Variants in TGM1 observed in about 807,000 individuals in gnomAD.
TGM1 encodes transglutaminase 1.
A neutral mutation model predicts 88.7 loss-of-function variants in TGM1; 63 were observed. The observed-to-expected ratio is 0.71, with a 90% CI of 0.58 to 0.88. The LOEUF (loss-of-function observed/expected upper bound fraction) is 0.88, where lower values mean the gene tolerates loss of function less well. Ranked by LOEUF, TGM1 falls within the 40% of genes least tolerant of loss-of-function variation. The probability of loss-of-function intolerance (pLI) is 0.00; values close to 1 mark genes in which losing one functional copy is unlikely to be tolerated. For missense variants in TGM1, 996 were observed against 1,118.0 expected (o/e 0.89, Z 1.56); for synonymous variants, 415 against 431.1 (o/e 0.96, Z 0.46).
rs2040815051 is a variant in TGM1 at position 24,261,976 on chromosome 14, G to A, written c.319+58C>T. 2.5e-6 allele frequency: 4 copies of A among 1,610,436 alleles called. No individual in the cohort carries two copies. In the South Asian group the frequency reaches 3.3e-5, roughly 13 times the overall value. On this transcript the variant is annotated intron_variant, in intron 2 of 14. Coordinates refer to ENST00000206765, the MANE Select transcript of TGM1 (RefSeq NM_000359.3). ...ATCCCCCCCAGAAATGCCAGGCTGA[G>A]TCTCTGGTCCCATTAAAGCCTTTTA...
Position 24,254,736 on chromosome 14 carries a change from G to A in TGM1, c.2016C>T (p.His672=), listed in dbSNP as rs756983498. 8.7e-6 allele frequency: 14 copies of A among 1,614,030 alleles called. No homozygotes were observed. The highest frequency in any genetic ancestry group is 5.5e-5 in the South Asian group (5 of 91,086). The change falls in exon 13 of 15, where the codon CAC becomes CAT. Residue 672 remains histidine, a synonymous_variant. Transcript: ENST00000206765. Reference sequence around the variant, plus strand: ...CCAGCACCTGCCCGCTCTCCTTGACGTGGCCTGAGACATTGAGCAGCATGG... The same window carrying A: ...CCAGCACCTGCCCGCTCTCCTTGACATGGCCTGAGACATTGAGCAGCATGG... The part of the protein sequence containing the change: ...QGAMLLNVSG[H]VKESGQVLAK...
intron 9 of TGM1, among the ~76,000 whole-genome samples, chr14:24,257,936 T>A (rs2040769415): frequency 6.6e-6 from 1 of 152,224 alleles, no homozygotes; most frequent in African/African-American, 2.4e-5. Context: ...GGTCCTTCAG[T>A]TAATTATCTC....
In TGM1 at chr14:24,257,685, C is replaced by T. The variant is rs41293806; in HGVS notation, c.1402+600G>A. Among the ~76,000 whole-genome samples, 953 of 152,284 alleles carry T rather than the reference C, an allele frequency of 6.3e-3. 20 individuals carry two copies. Among genetic ancestry groups the T allele is most frequent in the African/African-American group, 0.021 (876 of 41,554 alleles). ...ACCCTTTGGAGTGGGTCAAAAAATC[C>T]GGCTGATCGTCAGAATCACCAGAAG... is the stretch of plus-strand genomic sequence containing the variant. On this transcript the variant is annotated intron_variant, in intron 9 of 14. Transcript: ENST00000206765.
intron 9 of TGM1, among the ~76,000 whole-genome samples, chr14:24,256,664 T>C (rs958487682): frequency 6.6e-6 from 1 of 152,106 alleles, no homozygotes; most frequent in Non-Finnish European, 1.5e-5. Context: ...CTAGAAGAGA[T>C]AGGCTGACAG....
rs1014852228 is a variant in TGM1 at position 24,259,644 on chromosome 14, G to C, written c.984+60C>G. The C allele has an allele frequency of 7.2e-7, 1 of 1,382,986 alleles. No individual in the cohort carries two copies. The highest frequency in any genetic ancestry group is 1.0e-6 in the Non-Finnish European group (1 of 989,438). 85.7% of individuals were successfully genotyped at this position (1,382,986 alleles called of 1,614,324 possible). On this transcript the variant is annotated intron_variant, in intron 6 of 14. Transcript: ENST00000206765. This position sits in a 1 kb window ranked among gnomAD's most constrained non-coding sequence, Gnocchi z 5.7. Reference sequence around the variant, plus strand: ...ATCCAGAAAGGGCAGGAGGAGGGTGGGGGTGTGGCGAGGCAGCAGGCACAC... The same window carrying C: ...ATCCAGAAAGGGCAGGAGGAGGGTGCGGGTGTGGCGAGGCAGCAGGCACAC...
Position 24,255,287 on chromosome 14 carries a change from T to G in TGM1, c.1646-34A>C. ...TGAGGGTCAAGGGTGAGGTTCCAAT[T>G]CCCACGTGGGTGGCCAAGCACTTGG... is the stretch of plus-strand genomic sequence containing the variant. On this transcript the variant is annotated intron_variant, in intron 11 of 14. Transcript: ENST00000206765. The surrounding 1 kb of genome is among the most constrained non-coding windows in gnomAD (Gnocchi z 4.0). 1 of 1,614,082 alleles carries G rather than the reference T, an allele frequency of 6.2e-7. No homozygotes were observed. The highest frequency in any genetic ancestry group is 8.5e-7 in the Non-Finnish European group (1 of 1,180,014).
rs1410018660 is a variant in TGM1 at position 24,262,092 on chromosome 14, G to A, written c.261C>T (p.Ser87=). ...TRRPGSRGSD[S]RRPVSRGSGV... Reference sequence around the variant, plus strand: ...CGCTGCCCCGGGATACAGGCCGGCGGGAGTCTGAGCCCCGGGAGCCAGGTC... The same window carrying A: ...CGCTGCCCCGGGATACAGGCCGGCGAGAGTCTGAGCCCCGGGAGCCAGGTC... Residue 87 remains serine, a synonymous_variant, in exon 2 of 15, where the codon TCC becomes TCT. Transcript: ENST00000206765. 6.2e-7 allele frequency: 1 copy of A among 1,613,598 alleles called. No individual in the cohort carries two copies.
intron 9 of TGM1, among the ~76,000 whole-genome samples, chr14:24,256,489 A>G (rs2040752760): frequency 6.6e-6 from 1 of 152,188 alleles, no homozygotes; most frequent in South Asian, 2.1e-4. Context: ...TAACCAACCC[A>G]GAGTCCACAG....
At chr14:24,251,656 G>C (rs2040702090) in intron 14 of TGM1, among the ~76,000 whole-genome samples, 1 of 152,136 alleles carries the variant, frequency 6.6e-6, no homozygotes, top group Admixed American at 6.5e-5. Context: ...TTGTTCAATC[G>C]TATTGCCTGG....
At position 24,259,639 on chromosome 14, in the gene TGM1, G is replaced by C. The variant is rs994453944; in HGVS notation, c.984+65C>G. ...GAGGAATCCAGAAAGGGCAGGAGGA[G>C]GGTGGGGGTGTGGCGAGGCAGCAGG... On this transcript the variant is annotated intron_variant, in intron 6 of 14. Coordinates refer to ENST00000206765, the MANE Select transcript of TGM1 (RefSeq NM_000359.3). This position sits in a 1 kb window ranked among gnomAD's most constrained non-coding sequence, Gnocchi z 5.7. 20 of 1,346,456 alleles carry C rather than the reference G, an allele frequency of 1.5e-5. No homozygotes were observed. The highest frequency in any genetic ancestry group is 2.0e-5 in the Non-Finnish European group (19 of 957,634). 83.4% of individuals were successfully genotyped at this position (1,346,456 alleles called of 1,614,324 possible).
Position 24,259,319 on chromosome 14 carries a change from GA to G in TGM1, c.985-71del. On this transcript the variant is annotated intron_variant, in intron 6 of 14. Transcript: ENST00000206765. The surrounding 1 kb of genome is among the most constrained non-coding windows in gnomAD (Gnocchi z 5.7). ...CAGGACCTGCCATGTGGTCCATGGG[GA>G]CCAGCCGGGCCCCGATCCTGCAACC... 6.7e-7 allele frequency: 1 copy of G among 1,483,166 alleles called. No homozygotes were observed. Among genetic ancestry groups the G allele is most frequent in the South Asian group, 1.2e-5 (1 of 83,476 alleles). The allele number at this position is 1,483,166 out of a possible 1,614,324, so 91.9% of individuals were successfully genotyped here.
rs780616986 is a variant in TGM1, at chr14:24,261,880, C to T, written c.323G>A (p.Gly108Asp). The change falls in exon 3 of 15, where the codon GGC becomes GAC. Residue 108 changes from glycine to aspartate, a missense_variant. Transcript: ENST00000206765. ...GTCCACACCGTTCACTACTAGCATGCCCTCTGCAAGGACACAGCTCCGTGT... is the reference window on the plus strand; with the variant it reads ...GTCCACACCGTTCACTACTAGCATGTCCTCTGCAAGGACACAGCTCCGTGT... Reference protein sequence around the residue: ...NAAGDGTIREGMLVVNGVDLL... With the variant: ...NAAGDGTIREDMLVVNGVDLL... The T allele has an allele frequency of 5.0e-6, 8 of 1,613,324 alleles. No individual in the cohort carries two copies. The highest frequency in any genetic ancestry group is 6.8e-6 in the Non-Finnish European group (8 of 1,180,032).
At position 24,254,610 on chromosome 14, in the gene TGM1, T is replaced by A. The variant is rs41293820; in HGVS notation, c.2088+54A>T. 1,239 of 1,612,484 alleles carry A rather than the reference T, an allele frequency of 7.7e-4. 12 individuals carry two copies. In the African/African-American group the frequency reaches 0.015, roughly 19 times the overall value. The stretch of plus-strand genomic sequence containing the variant: ...TTAGCGCCCACCTCTGATGTCCTTA[T>A]CCCCTGGCCTTCACTCTCTGACCAC... On this transcript the variant is annotated intron_variant, in intron 13 of 14. Coordinates refer to ENST00000206765, the MANE Select transcript of TGM1 (RefSeq NM_000359.3).
chr14:24,259,227 C>T lies in TGM1; in HGVS notation c.1007G>A (p.Gly336Glu). The change falls in exon 7 of 15, where the codon GGA (glycine) becomes GAA (glutamate). Residue 336 changes from glycine (G) to glutamate (E), a missense_variant. Transcript: ENST00000206765. The surrounding 1 kb of genome is among the most constrained non-coding windows in gnomAD (Gnocchi z 5.7). ...SAMVNSLDDN[G>E]VLIGNWSGDY... ...ACCAGACCAGTTCCCAATCAGGACT[C>T]CATTGTCATCCAGGGAGTTCACCTG... 1 of 1,613,480 alleles carries T rather than the reference C, an allele frequency of 6.2e-7. No individual in the cohort carries two copies. Among genetic ancestry groups the T allele is most frequent in the South Asian group, 1.1e-5 (1 of 90,942 alleles).
Position 24,262,113 on chromosome 14 carries a change from A to C in TGM1, c.240T>G (p.Pro80=). The change falls in exon 2 of 15, where the codon CCT becomes CCG. Residue 80 remains proline, a synonymous_variant. Coordinates refer to ENST00000206765, the MANE Select transcript of TGM1 (RefSeq NM_000359.3). ...GRGSSSGTRR[P]GSRGSDSRRP... is the part of the protein sequence containing the mutation. ...GGCGGGAGTCTGAGCCCCGGGAGCC[A>C]GGTCTTCGAGTGCCAGAGCTGGACC... is the stretch of plus-strand genomic sequence containing the variant. 6.2e-7 allele frequency: 1 copy of C among 1,613,586 alleles called. No individual in the cohort carries two copies. The highest frequency in any genetic ancestry group is 8.5e-7 in the Non-Finnish European group (1 of 1,180,034).
Position 24,260,472 on chromosome 14 carries a change from G to T in TGM1, c.735C>A (p.Ile245=), listed in dbSNP as rs769928814. 6.2e-7 allele frequency: 1 copy of T among 1,614,246 alleles called. No homozygotes were observed. Among genetic ancestry groups the T allele is most frequent in the South Asian group, 1.1e-5 (1 of 91,090 alleles). The change falls in exon 4 of 15, where the codon ATC becomes ATA. Residue 245 remains isoleucine (I), a synonymous_variant. Coordinates refer to ENST00000206765, the MANE Select transcript of TGM1 (RefSeq NM_000359.3). ...LPFDPRNEIY[I]LFNPWCPEDI... The stretch of plus-strand genomic sequence containing the variant: ...CACCTGGGCACCAGGGGTTGAAGAG[G>T]ATGTAGATCTCATTGCGGGGGTCAA...
intron 14 of TGM1, among the ~76,000 whole-genome samples, chr14:24,251,612 T>G (rs534576736): frequency 6.6e-6 from 1 of 152,212 alleles, no homozygotes; most frequent in Non-Finnish European, 1.5e-5. Flanking sequence ...CACCAGAACT[T>G]AGACGTCGAA....
In TGM1 at chr14:24,253,464, CTGTG is replaced by C. The variant is rs41293834; in HGVS notation, c.2225+684_2225+687del. 1.7e-4 allele frequency among the ~76,000 whole-genome samples: 25 copies of C among 150,508 alleles called. No individual in the cohort carries two copies. The Middle Eastern group carries it at 0.01, about 61-fold the overall frequency. Reference sequence around the variant, plus strand: ...TGTGTCTCTGTGTGTGTGTGTGTGTCTGTGTGTGTGTGTGACAGAGAGAGAGAGA... The same window carrying C: ...TGTGTCTCTGTGTGTGTGTGTGTGTCTGTGTGTGTGACAGAGAGAGAGAGA... On this transcript the variant is annotated intron_variant, in intron 14 of 14. Coordinates refer to ENST00000206765, the MANE Select transcript of TGM1 (RefSeq NM_000359.3).
At chr14:24,258,490 A>G in intron 8 of TGM1, 45 bp downstream of exon 8, 1 of 1,607,758 alleles carries the variant, frequency 6.2e-7, no homozygotes, top group Non-Finnish European at 8.5e-7. Flanking sequence ...TCCAAAGCTC[A>G]GGTCACCATT....
Sources: gnomAD v4.1 joint callset for allele counts (sites outside exome capture counted in the v4.1 genomes callset) on GRCh38, gnomAD v4.1.1 for gene constraint, Gnocchi (gnomAD v3.1) non-coding constraint, MANE v1.5 for transcripts, NCBI Gene and HGNC (gene_info 2026-07-23, HGNC 2026-07-21) for gene names.